STRADA: variants seen among roughly 807,000 people sequenced by gnomAD.
STRADA encodes the protein STE20-related kinase adapter protein alpha.
Under a neutral mutation model 55.0 loss-of-function variants are expected in STRADA, and 26 were observed. The observed-to-expected ratio is 0.47, with a 90% CI of 0.35 to 0.66. The LOEUF (loss-of-function observed/expected upper bound fraction) is 0.66. Ranked by LOEUF, STRADA falls within the 30% of genes least tolerant of loss-of-function variation. STRADA has a pLI of 0.01. For missense variants in STRADA, 443 were observed against 549.7 expected (o/e 0.81, Z 1.94); for synonymous variants, 197 against 210.9 (o/e 0.93, Z 0.57).
intron 1 of STRADA, among the ~76,000 whole-genome samples, chr17:63,731,188 C>T (rs1413479399): frequency 6.6e-6 from 1 of 151,728 alleles, no homozygotes; most frequent in Non-Finnish European, 1.5e-5. Flanking sequence ...GTGATCTGCC[C>T]GCCTCGGGCC....
In STRADA at chr17:63,728,481, C is replaced by T. The variant is rs1568212809; in HGVS notation, c.-44-68G>A. 3 of 852,898 alleles carry T rather than the reference C, an allele frequency of 3.5e-6. No individual in the cohort carries two copies. In the East Asian group the frequency reaches 7.8e-5, roughly 22 times the overall value. 52.8% of individuals were successfully genotyped at this position (852,898 alleles called of 1,614,324 possible). Reference sequence around the variant, plus strand: ...TTATAGAGAAATATCTTCTGATTAACAAAAACTTATTACAGGTCTACCATT... The same window carrying T: ...TTATAGAGAAATATCTTCTGATTAATAAAAACTTATTACAGGTCTACCATT... On this transcript the variant is annotated intron_variant, in intron 1 of 12. Transcript: ENST00000336174.
chr17:63,724,490 G>A (rs1439410728), intron 3 of STRADA, among the ~76,000 whole-genome samples: 1 of 150,388 alleles, frequency 6.6e-6, no homozygotes, highest in East Asian at 2.0e-4. Flanking sequence ...CGCCCAGGCT[G>A]GAGTGCAGTG....
At chr17:63,726,611 G>A (rs1007167438) in intron 3 of STRADA, 27 bp downstream of exon 3, 2 of 1,606,008 alleles carry the variant, frequency 1.2e-6, no homozygotes, top group Admixed American at 3.4e-5. Flanking sequence ...ATCCTGAAGT[G>A]ATGGCTAAAT....
At chr17:63,708,790 C>T (rs2036291041) in intron 8 of STRADA, among the ~76,000 whole-genome samples, 1 of 152,234 alleles carries the variant, frequency 6.6e-6, no homozygotes, top group African/African-American at 2.4e-5. Flanking sequence ...CCACCTTGGC[C>T]TCCCAGAGTG....
At chr17:63,739,051 G>T (rs533054904) in intron 1 of STRADA, among the ~76,000 whole-genome samples, 1 of 149,848 alleles carries the variant, frequency 6.7e-6, no homozygotes, top group East Asian at 2.0e-4. Context: ...TACTTGGGAG[G>T]CTGAGGCAGG....
intron 4 of STRADA, among the ~76,000 whole-genome samples, chr17:63,719,641 G>T (rs543611754): frequency 6.6e-6 from 1 of 152,216 alleles, no homozygotes; most frequent in East Asian, 1.9e-4. Flanking sequence ...GTGCTACCAT[G>T]CCCGGCTAAT....
At chr17:63,704,923 C>A in intron 10 of STRADA, 1 of 1,534,968 alleles carries the variant, frequency 6.5e-7, no homozygotes, top group Middle Eastern at 1.7e-4. Flanking sequence ...AGGGAAGGAG[C>A]AGTCAGATGA....
intron 1 of STRADA, among the ~76,000 whole-genome samples, chr17:63,733,187 C>T (rs2038190869): frequency 6.6e-6 from 1 of 152,136 alleles, no homozygotes; most frequent in Admixed American, 6.5e-5. Context: ...TTGGGCCTGC[C>T]AATGGGCACA....
chr17:63,738,902 A>T (rs920584685), intron 1 of STRADA, among the ~76,000 whole-genome samples: 5 of 151,990 alleles, frequency 3.3e-5, no homozygotes, highest in Non-Finnish European at 7.4e-5. Context: ...CTGTAATCCC[A>T]GCACTTTGGG....
intron 11 of STRADA, 82 bp downstream of exon 11, chr17:63,704,259 G>A (rs764292403): frequency 6.3e-7 from 1 of 1,577,756 alleles, no homozygotes; most frequent in South Asian, 1.1e-5. Flanking sequence ...ACCTTTGGGA[G>A]GTAAGTCCCT....
chr17:63,738,947 C>T (rs1382549030), intron 1 of STRADA, among the ~76,000 whole-genome samples: 2 of 151,672 alleles, frequency 1.3e-5, no homozygotes, highest in South Asian at 2.1e-4. Flanking sequence ...GTCAGGAGAT[C>T]GAGACCATCC....
chr17:63,708,915 A>T (rs1056300210), intron 8 of STRADA, among the ~76,000 whole-genome samples: 1 of 152,214 alleles, frequency 6.6e-6, no homozygotes, highest in Non-Finnish European at 1.5e-5. Flanking sequence ...ACCTAGGGGT[A>T]CTGTGTTCCG....
At chr17:63,703,850 G>A in intron 12 of STRADA, 99 bp from the exon 13 acceptor site, 1 of 1,611,204 alleles carries the variant, frequency 6.2e-7, no homozygotes, top group African/African-American at 1.3e-5. Context: ...CGGGCTGTCG[G>A]AGCCAACTCC....
At chr17:63,725,412 C>T (rs1348266480) in intron 3 of STRADA, among the ~76,000 whole-genome samples, 1 of 151,916 alleles carries the variant, frequency 6.6e-6, no homozygotes, top group Non-Finnish European at 1.5e-5. Flanking sequence ...AGTGCAATGG[C>T]GTGATCTTGG....
chr17:63,723,155 C>G, intron 4 of STRADA, 143 bp downstream of exon 4: 1 of 1,048,676 alleles, frequency 9.5e-7, no homozygotes, highest in Non-Finnish European at 1.4e-6. Flanking sequence ...TGAATCTCCA[C>G]AAGTACAAAA....
At chr17:63,713,257 C>T (rs184731370) in intron 6 of STRADA, 149 bp downstream of exon 6, 1 of 1,029,186 alleles carries the variant, frequency 9.7e-7, no homozygotes, top group African/African-American at 1.6e-5. Context: ...TCAGCCCAAT[C>T]CTTAGTGCCA....
At chr17:63,718,659 GC>G (rs1286332770) in intron 4 of STRADA, 17 of 152,212 alleles carry the variant, frequency 1.1e-4, no homozygotes, top group African/African-American at 4.1e-4. Flanking sequence ...CACCACGCTC[GC>G]CTGACTTGAA....
chr17:63,718,079 C>T (rs8073818), intron 4 of STRADA, among the ~76,000 whole-genome samples: 105,592 of 151,956 alleles, frequency 0.69, 37,962 homozygotes, highest in African/African-American at 0.9. Context: ...TGTGCCACCA[C>T]GCCTAGCTAA....
Position 63,706,494 on chromosome 17 carries a change from C to T in STRADA, c.858+141G>A, listed in dbSNP as rs143795830. ...AACAAAGAGTGAGGTCACTATCCCC[C>T]ACTGGGTGGGACTTCTTGAAGGAAA... On this transcript the variant is annotated intron_variant, in intron 10 of 12. Transcript: ENST00000336174. 443 of 677,746 alleles carry T rather than the reference C, an allele frequency of 6.5e-4. 2 individuals carry two copies. The Middle Eastern group carries it at 9.2e-3, about 14-fold the overall frequency. The allele number at this position is 677,746 out of a possible 1,614,324, so 42.0% of individuals were successfully genotyped here.
Sources: gnomAD v4.1 joint callset for allele counts (sites outside exome capture counted in the v4.1 genomes callset) on GRCh38, gnomAD v4.1.1 for gene constraint, MANE v1.5 for transcripts, NCBI Gene and HGNC (gene_info 2026-07-23, HGNC 2026-07-21) for gene names.